The following EPSTI1 variants were observed in gnomAD, a reference collection of about 807,000 sequenced individuals.
EPSTI1 encodes epithelial-stromal interaction protein 1.
Under a neutral mutation model 49.9 loss-of-function variants are expected in EPSTI1, and 66 were observed. The ratio of observed to expected loss-of-function variants is 1.32; its 90% CI spans 1.08 to 1.62. The LOEUF is 1.62. EPSTI1 is among the 40% of genes most tolerant of loss of function. EPSTI1 has a pLI of 0.00. For missense variants in EPSTI1, 394 were observed against 365.5 expected, an observed-to-expected ratio of 1.08 and a Z score of -0.64; for synonymous variants, 137 against 130.7, an observed-to-expected ratio of 1.05 and a Z score of -0.33.
chr13:42,911,270 CGCACGCGCGCACACGTGTGTGAGTGT>C (rs1041081831), intron 8 of EPSTI1, among the ~76,000 whole-genome samples: 23 of 110,338 alleles, frequency 2.1e-4, no homozygotes, highest in African/African-American at 3.7e-4. Context: ...TGTGTGCGCG[CGCACGCGCGCACACGTGTGTGAGTGT>C]GCACATGCTT....
intron 6 of EPSTI1, among the ~76,000 whole-genome samples, chr13:42,931,191 C>CTTTTTTTT (rs57488808): frequency 1.3e-5 from 1 of 77,628 alleles, no homozygotes; most frequent in African/African-American, 4.9e-5. Context: ...TTGCCTACAG[C>CTTTTTTTT]TTTTTTTTTT....
At chr13:42,978,008 C>T (rs2039911881) in intron 1 of EPSTI1, among the ~76,000 whole-genome samples, 1 of 152,124 alleles carries the variant, frequency 6.6e-6, no homozygotes, top group East Asian at 1.9e-4. Context: ...AAAAAATTAG[C>T]TGGGTGTAGT....
At chr13:42,955,242 T>C (rs1004619182) in intron 5 of EPSTI1, among the ~76,000 whole-genome samples, 1 of 152,144 alleles carries the variant, frequency 6.6e-6, no homozygotes, top group African/African-American at 2.4e-5. Flanking sequence ...AAGTGTTCAA[T>C]TGTGATGAGT....
chr13:42,919,436 A>G, intron 7 of EPSTI1: 1 of 1,049,568 alleles, frequency 9.5e-7, no homozygotes, highest in African/African-American at 1.6e-5. Context: ...TCTAACATTG[A>G]AATATTCATT....
In EPSTI1 at chr13:42,925,843, C is replaced by T. The variant is rs990921851; in HGVS notation, c.657+493G>A. 2.6e-5 allele frequency among the ~76,000 whole-genome samples: 4 copies of T among 152,214 alleles called. No individual in the cohort carries two copies. In the East Asian group the frequency reaches 7.7e-4, roughly 29 times the overall value. Reference sequence around the variant, plus strand: ...TAACGCACATGGTCTGACTTAGATGCTTCTTCCTGATAAGGCAGTAGTGCT... The same window carrying T: ...TAACGCACATGGTCTGACTTAGATGTTTCTTCCTGATAAGGCAGTAGTGCT... On this transcript the variant is annotated intron_variant, in intron 7 of 10. Coordinates refer to ENST00000313624, the MANE Select transcript of EPSTI1 (RefSeq NM_033255.5).
intron 9 of EPSTI1, among the ~76,000 whole-genome samples, chr13:42,897,264 C>T (rs2037219278): frequency 6.6e-6 from 1 of 152,166 alleles, no homozygotes; most frequent in Non-Finnish European, 1.5e-5. Context: ...TGGATGTCAC[C>T]TCTGCAGTGA....
chr13:42,953,970 C>T lies in EPSTI1; in HGVS notation c.541G>A (p.Ala181Thr), dbSNP rs1566152024. Residue 181 changes from alanine (A) to threonine (T), a missense_variant, in exon 6 of 11, where the codon GCA becomes ACA. Coordinates refer to ENST00000313624, the MANE Select transcript of EPSTI1 (RefSeq NM_033255.5). ...KRLQENLRREAFREHQQYKTA... is the reference protein window; with the variant it reads ...KRLQENLRRETFREHQQYKTA... ...TACTATTGCTGATGCTCTCTAAATG[C>T]TTCTCTTCTAAGGTTTTCTTGAAGT... The T allele has an allele frequency of 6.2e-6, 10 of 1,612,926 alleles. No homozygotes were observed. The highest frequency in any genetic ancestry group is 7.6e-6 in the Non-Finnish European group (9 of 1,179,838).
chr13:42,909,767 G>A (rs1227951735), intron 8 of EPSTI1, among the ~76,000 whole-genome samples: 1 of 152,118 alleles, frequency 6.6e-6, no homozygotes, highest in African/African-American at 2.4e-5. Flanking sequence ...GTTACCAGAG[G>A]CTGGGGGGGT....
At chr13:42,949,964 G>A (rs1436857005) in intron 6 of EPSTI1, among the ~76,000 whole-genome samples, 1 of 150,772 alleles carries the variant, frequency 6.6e-6, no homozygotes, top group African/African-American at 2.4e-5. Context: ...TTTTAAAAAA[G>A]GCTTATCAAC....
At chr13:42,971,191 G>A (rs1001391293) in intron 1 of EPSTI1, among the ~76,000 whole-genome samples, 5 of 152,202 alleles carry the variant, frequency 3.3e-5, no homozygotes, top group African/African-American at 9.6e-5. Context: ...CACAGGTTGA[G>A]CATAATCAGG....
chr13:42,896,843 TG>T (rs1481614493), intron 9 of EPSTI1, among the ~76,000 whole-genome samples: 1 of 152,162 alleles, frequency 6.6e-6, no homozygotes, highest in Admixed American at 6.5e-5. Flanking sequence ...TGGTGGCTCA[TG>T]CCTGTAATCC....
At chr13:42,981,508 C>T (rs2039986407) in intron 1 of EPSTI1, among the ~76,000 whole-genome samples, 1 of 152,112 alleles carries the variant, frequency 6.6e-6, no homozygotes, top group African/African-American at 2.4e-5. Context: ...TGTATTTGAA[C>T]AAAAATGATT....
At chr13:42,955,542 C>T (rs2039231892) in intron 5 of EPSTI1, among the ~76,000 whole-genome samples, 1 of 152,154 alleles carries the variant, frequency 6.6e-6, no homozygotes, top group Non-Finnish European at 1.5e-5. Context: ...TGACTCACGC[C>T]TGTAATCCCA....
intron 6 of EPSTI1, among the ~76,000 whole-genome samples, chr13:42,943,194 T>C (rs2038814758): frequency 6.6e-6 from 1 of 152,320 alleles, no homozygotes; most frequent in East Asian, 1.9e-4. Flanking sequence ...ATGGCTTGTC[T>C]CCAGAATGGG....
chr13:42,990,640 T>C (rs1397756961), intron 1 of EPSTI1, among the ~76,000 whole-genome samples: 2 of 152,146 alleles, frequency 1.3e-5, no homozygotes, highest in African/African-American at 4.8e-5. Flanking sequence ...AGGAAAGAAA[T>C]GCAACAATCT....
At chr13:42,908,980 C>A (rs891337269) in intron 8 of EPSTI1, among the ~76,000 whole-genome samples, 1 of 150,312 alleles carries the variant, frequency 6.7e-6, no homozygotes. Flanking sequence ...GTAATCCCAG[C>A]TACTCAGGAG....
chr13:42,967,805 C>G (rs1224566001), intron 3 of EPSTI1, among the ~76,000 whole-genome samples: 2 of 152,116 alleles, frequency 1.3e-5, no homozygotes, highest in African/African-American at 4.8e-5. Context: ...TTACGAACCC[C>G]GAACTCTCTT....
At chr13:42,981,898 T>C (rs980912667) in intron 1 of EPSTI1, among the ~76,000 whole-genome samples, 1 of 152,008 alleles carries the variant, frequency 6.6e-6, no homozygotes, top group African/African-American at 2.4e-5. Flanking sequence ...TACTAGGTCA[T>C]GATGTCAAAT....
intron 1 of EPSTI1, among the ~76,000 whole-genome samples, chr13:42,972,957 T>C (rs1364340335): frequency 6.6e-6 from 1 of 152,236 alleles, no homozygotes; most frequent in Admixed American, 6.5e-5. Flanking sequence ...TGGAGATTCA[T>C]AGAGACCTCA....
Sources: gnomAD v4.1 joint callset for allele counts (sites outside exome capture counted in the v4.1 genomes callset) on GRCh38, gnomAD v4.1.1 for gene constraint, MANE v1.5 for transcripts, NCBI Gene and HGNC (gene_info 2026-07-23, HGNC 2026-07-21) for gene names.